MDGA2: variants seen among roughly 807,000 people sequenced by gnomAD.
The protein encoded by MDGA2 is MAM domain containing glycosylphosphatidylinositol anchor 2.
Under a neutral mutation model 117.8 loss-of-function variants are expected in MDGA2, and 40 were observed. The ratio of observed to expected loss-of-function variants is 0.34; its 90% CI spans 0.26 to 0.44. The LOEUF (loss-of-function observed/expected upper bound fraction) is 0.44. MDGA2 is among the 20% of genes least tolerant of loss of function. The probability of loss-of-function intolerance (pLI) is 1.00; values close to 1 mark genes in which losing one functional copy is unlikely to be tolerated. For missense variants in MDGA2, 1,123 were observed against 1,250.6 expected, an observed-to-expected ratio of 0.90 and a Z score of 1.54; for synonymous variants, 452 against 439.0, an observed-to-expected ratio of 1.03 and a Z score of -0.37.
At chr14:46,947,131 T>G (rs1885198251) in intron 9 of MDGA2, among the ~76,000 whole-genome samples, 1 of 152,116 alleles carries the variant, frequency 6.6e-6, no homozygotes, top group African/African-American at 2.4e-5. Context: ...AAATTATCTT[T>G]GTAAGATAAA....
chr14:46,983,282 A>G (rs1389118218), intron 8 of MDGA2, among the ~76,000 whole-genome samples: 1 of 152,192 alleles, frequency 6.6e-6, no homozygotes, highest in Non-Finnish European at 1.5e-5. Context: ...TCAGTGGCTT[A>G]GCTGAATCTC....
At chr14:47,409,507 A>G (rs1196331131) in intron 1 of MDGA2, among the ~76,000 whole-genome samples, 1 of 152,204 alleles carries the variant, frequency 6.6e-6, no homozygotes, top group Non-Finnish European at 1.5e-5. Context: ...CTAGACTGCA[A>G]ATTGAACTCT....
intron 2 of MDGA2, among the ~76,000 whole-genome samples, chr14:47,259,167 G>C (rs2139666981): frequency 6.6e-6 from 1 of 152,008 alleles, no homozygotes; most frequent in Middle Eastern, 3.4e-3. Flanking sequence ...TATGATTAAG[G>C]TTGCTCAGTA....
chr14:47,673,600 T>G (rs556103512), intron 1 of MDGA2, among the ~76,000 whole-genome samples: 1 of 150,496 alleles, frequency 6.6e-6, no homozygotes, highest in African/African-American at 2.5e-5. Flanking sequence ...AGAGAAGACA[T>G]ACATTTTAGT....
chr14:47,164,800 A>G (rs1883794428), intron 3 of MDGA2, among the ~76,000 whole-genome samples: 1 of 152,230 alleles, frequency 6.6e-6, no homozygotes, highest in Non-Finnish European at 1.5e-5. Flanking sequence ...ACACATGCAC[A>G]TGTATGTTTA....
At chr14:47,230,872 A>G (rs567088838) in intron 2 of MDGA2, among the ~76,000 whole-genome samples, 1 of 151,990 alleles carries the variant, frequency 6.6e-6, no homozygotes, top group Non-Finnish European at 1.5e-5. Context: ...TGAATCAGAG[A>G]GCATTAACAG....
chr14:47,074,536 G>A (rs535132926), intron 6 of MDGA2, among the ~76,000 whole-genome samples: 1 of 152,250 alleles, frequency 6.6e-6, no homozygotes, highest in East Asian at 1.9e-4. Flanking sequence ...TCCTGACCTC[G>A]TGATCCGCCC....
chr14:47,242,754 A>AGCC (rs1438985561), intron 2 of MDGA2, among the ~76,000 whole-genome samples: 1 of 151,604 alleles, frequency 6.6e-6, no homozygotes, highest in Non-Finnish European at 1.5e-5. Context: ...GTGCGGCCCG[A>AGCC]GCCTCCCCGA....
At chr14:46,986,813 TTTAGCATAACC>T (rs1204034504) in intron 8 of MDGA2, among the ~76,000 whole-genome samples, 3 of 152,136 alleles carry the variant, frequency 2.0e-5, no homozygotes, top group Non-Finnish European at 4.4e-5. Context: ...TTCTACACTT[TTTAGCATAACC>T]TGCCAAGTGT....
intron 1 of MDGA2, among the ~76,000 whole-genome samples, chr14:47,561,158 G>GTTTTTT (rs200625450): frequency 4.2e-4 from 23 of 55,088 alleles, no homozygotes; most frequent in South Asian, 2.1e-3. Context: ...TTTTTGTTTT[G>GTTTTTT]TTTTGTTTTT....
chr14:47,619,137 A>C (rs933456319), intron 1 of MDGA2, among the ~76,000 whole-genome samples: 1 of 132,774 alleles, frequency 7.5e-6, no homozygotes, highest in Non-Finnish European at 1.7e-5. Context: ...ACACACACAC[A>C]CACACACACA....
At chr14:47,302,132 TACC>T in intron 1 of MDGA2, among the ~76,000 whole-genome samples, 1 of 152,100 alleles carries the variant, frequency 6.6e-6, no homozygotes, top group South Asian at 2.1e-4. Flanking sequence ...GAAGACAATA[TACC>T]ATTGTCGCCT....
At chr14:47,109,736 G>T (rs541084474) in intron 5 of MDGA2, among the ~76,000 whole-genome samples, 1 of 151,954 alleles carries the variant, frequency 6.6e-6, no homozygotes, top group African/African-American at 2.4e-5. Flanking sequence ...ACTTGAGGTC[G>T]GGAGTTCAAG....
chr14:47,461,666 C>T (rs1893489290), intron 1 of MDGA2, among the ~76,000 whole-genome samples: 1 of 149,158 alleles, frequency 6.7e-6, no homozygotes, highest in Non-Finnish European at 1.5e-5. Context: ...AAGTAGGCAT[C>T]AAAAATGAAA....
rs545893637 is a variant in MDGA2 at position 47,120,311 on chromosome 14, A to C, written c.925+11403T>G. Among the ~76,000 whole-genome samples, 3 of 152,274 alleles carry C rather than the reference A, an allele frequency of 2.0e-5. No homozygotes were observed. The South Asian group carries it at 6.2e-4, about 32-fold the overall frequency. ...CATGAGGGCAAGGTTCCAATAAAAA[A>C]ATTCCTGTGACACAGGGTGCCTATC... On this transcript the variant is annotated intron_variant, in intron 5 of 16. Coordinates refer to ENST00000399232, the MANE Select transcript of MDGA2 (RefSeq NM_001113498.3).
At chr14:47,379,484 C>CAG (rs1248187815) in intron 1 of MDGA2, among the ~76,000 whole-genome samples, 1 of 152,092 alleles carries the variant, frequency 6.6e-6, no homozygotes, top group Non-Finnish European at 1.5e-5. Flanking sequence ...ATCTCACGTG[C>CAG]AGAGACACAC....
chr14:47,336,348 G>C (rs755411387), intron 1 of MDGA2, among the ~76,000 whole-genome samples: 4 of 151,828 alleles, frequency 2.6e-5, no homozygotes, highest in African/African-American at 9.7e-5. Flanking sequence ...GCCCCAGCAA[G>C]TACCCAGCCA....
intron 1 of MDGA2, among the ~76,000 whole-genome samples, chr14:47,342,328 CAT>C (rs1036918843): frequency 2.0e-5 from 3 of 146,524 alleles, no homozygotes; most frequent in Non-Finnish European, 4.5e-5. Flanking sequence ...ATTTATATAA[CAT>C]ATATAAATAT....
intron 2 of MDGA2, among the ~76,000 whole-genome samples, chr14:47,238,588 T>A (rs896770274): frequency 1.3e-5 from 2 of 151,560 alleles, no homozygotes; most frequent in African/African-American, 4.8e-5. Context: ...ACATCAACAT[T>A]ATTAATTAAA....
Sources: allele counts gnomAD v4.1 joint callset (sites outside exome capture counted in the v4.1 genomes callset), GRCh38; gene constraint gnomAD v4.1.1; transcripts MANE v1.5; gene names NCBI Gene and HGNC (gene_info 2026-07-23, HGNC 2026-07-21).